NOC3L: variants seen among roughly 807,000 people sequenced by gnomAD.
NOC3L encodes NOC3 like DNA replication regulator, also known as nucleolar complex protein 3 homolog.
NOC3L carries 85 observed loss-of-function variants against 102.5 expected under a neutral mutation model. That is an observed-to-expected ratio of 0.83 (90% CI 0.70 to 0.99). The LOEUF (loss-of-function observed/expected upper bound fraction) is 0.99, where lower values mean the gene tolerates loss of function less well. Ranked by LOEUF, NOC3L falls within the 50% of genes least tolerant of loss-of-function variation. The probability of loss-of-function intolerance (pLI) is 0.00; values close to 1 mark genes in which losing one functional copy is unlikely to be tolerated. For synonymous variants in NOC3L, 303 were observed against 309.4 expected, an observed-to-expected ratio of 0.98 and a Z score of 0.22; for missense variants, 878 against 914.9, an observed-to-expected ratio of 0.96 and a Z score of 0.52.
downstream of NOC3L, chr10:94,330,870 TCA>T (rs1297266360): frequency 1.3e-5 from 2 of 152,232 alleles, no homozygotes; most frequent in Non-Finnish European, 2.9e-5. Context: ...CATTACCATT[TCA>T]CACTTTTTAG....
intron 17 of NOC3L, among the ~76,000 whole-genome samples, chr10:94,339,489 C>A (rs1411724823): frequency 6.6e-6 from 1 of 152,108 alleles, no homozygotes; most frequent in African/African-American, 2.4e-5. Context: ...TATATATGAA[C>A]TTTAAAAGGC....
chr10:94,337,379 C>A (rs897124712), intron 19 of NOC3L, among the ~76,000 whole-genome samples: 1 of 150,374 alleles, frequency 6.7e-6, no homozygotes, highest in African/African-American at 2.4e-5. Flanking sequence ...AAAGACCGAG[C>A]GAGCGAGAAA....
At chr10:94,341,786 G>A (rs2054288803) in intron 13 of NOC3L, 41 bp from the exon 14 acceptor site, 1 of 1,154,104 alleles carries the variant, frequency 8.7e-7, no homozygotes, top group Non-Finnish European at 1.2e-6. Flanking sequence ...ACTAAAAGCA[G>A]AAATAAAGCT....
At chr10:94,359,949 C>A (rs764634855) in intron 2 of NOC3L, among the ~76,000 whole-genome samples, 1 of 152,194 alleles carries the variant, frequency 6.6e-6, no homozygotes, top group Non-Finnish European at 1.5e-5. Context: ...TCTGCACTCC[C>A]ATGTTCATTC....
chr10:94,340,995 A>AG (rs36027832), intron 14 of NOC3L, among the ~76,000 whole-genome samples: 35,226 of 147,082 alleles, frequency 0.24, 4,356 homozygotes, highest in Middle Eastern at 0.39. Flanking sequence ...AAAAAAAAAA[A>AG]AAAAATTTCT....
At chr10:94,328,710 T>C (rs1348127796), downstream of NOC3L, 1 of 152,230 alleles carries the variant, frequency 6.6e-6, no homozygotes, top group Non-Finnish European at 1.5e-5. Context: ...AAATTCAATT[T>C]AGTTCCTGTA....
intron 17 of NOC3L, 79 bp downstream of exon 17, chr10:94,339,660 G>C (rs1432336525): frequency 1.9e-6 from 2 of 1,080,098 alleles, no homozygotes; most frequent in East Asian, 5.0e-5. Flanking sequence ...AATATAAAAG[G>C]GGGGAAAAGA....
intron 17 of NOC3L, among the ~76,000 whole-genome samples, chr10:94,339,017 GAAAT>G (rs2054252801): frequency 6.6e-6 from 1 of 152,126 alleles, no homozygotes; most frequent in Admixed American, 6.6e-5. Context: ...AAATCTGATA[GAAAT>G]AATTACATCA....
In NOC3L at chr10:94,358,113, ACT is replaced by A; in HGVS notation, c.318_319del (p.Arg106SerfsTer11). Reference sequence around the variant, plus strand: ...AGAAAGATCTCTTGTTAGAAAAGATACTCTTTGTCCTAAATCCTTCATTAACT... The same window carrying A: ...AGAAAGATCTCTTGTTAGAAAAGATACTTTGTCCTAAATCCTTCATTAACT... On this transcript the variant is annotated frameshift_variant, in exon 3 of 21. Coordinates refer to ENST00000371361, the MANE Select transcript of NOC3L (RefSeq NM_022451.11). LOFTEE classifies it high-confidence loss of function. The A allele has an allele frequency of 6.2e-7, 1 of 1,605,544 alleles. No individual in the cohort carries two copies.
intron 1 of NOC3L, among the ~76,000 whole-genome samples, chr10:94,362,387 T>C (rs75104045): frequency 0.036 from 5,503 of 152,236 alleles, 330 homozygotes; most frequent in African/African-American, 0.12. Flanking sequence ...CTTCTCTTGC[T>C]GGTGACTCAT....
rs750258992 is a variant in NOC3L at position 94,358,196 on chromosome 10, T to C, written c.237A>G (p.Glu79=). The C allele has an allele frequency of 1.3e-6, 2 of 1,564,656 alleles. No individual in the cohort carries two copies. Among genetic ancestry groups the C allele is most frequent in the Non-Finnish European group, 8.8e-7 (1 of 1,138,872 alleles). Residue 79 remains glutamate (E), a synonymous_variant, in exon 3 of 21, where the codon GAA becomes GAG. Transcript: ENST00000371361. The stretch of plus-strand genomic sequence containing the variant: ...GAAGGGCTTCTTCTTCTTCCTCTTC[T>C]TCCCTCTCAATCCTTTTACCTGTAC... ...EKRPGKRIER[E]EEEEEEALPL...
the NOC3L span, among the ~76,000 whole-genome samples, chr10:94,319,768 G>A: frequency 6.6e-6 from 1 of 151,798 alleles, no homozygotes; most frequent in East Asian, 1.9e-4. Flanking sequence ...AGGGATATAA[G>A]TGAGGGCTAT....
chr10:94,322,128 A>G, the NOC3L span: 2 of 1,401,204 alleles, frequency 1.4e-6, no homozygotes, highest in Non-Finnish European at 2.0e-6. Context: ...ATGTCTGTGC[A>G]CTGATGGCTC....
intron 19 of NOC3L, 96 bp from the exon 20 acceptor site, chr10:94,334,814 A>G (rs1161985937): frequency 1.2e-6 from 1 of 867,278 alleles, no homozygotes; most frequent in Non-Finnish European, 1.8e-6. Flanking sequence ...TTCTTAACCC[A>G]TATATTAAGG....
intron 10 of NOC3L, among the ~76,000 whole-genome samples, chr10:94,347,777 A>G (rs2054362418): frequency 6.6e-6 from 1 of 152,064 alleles, no homozygotes; most frequent in Non-Finnish European, 1.5e-5. Flanking sequence ...ATGGCAAGAT[A>G]TGATATTCTT....
At chr10:94,356,229 T>C (rs1216629309) in intron 5 of NOC3L, among the ~76,000 whole-genome samples, 2 of 152,136 alleles carry the variant, frequency 1.3e-5, no homozygotes, top group Non-Finnish European at 2.9e-5. Flanking sequence ...TTAACAGTTA[T>C]TTGTAAGTAG....
chr10:94,343,934 A>G (rs1354767520), intron 13 of NOC3L, among the ~76,000 whole-genome samples: 1 of 152,226 alleles, frequency 6.6e-6, no homozygotes, highest in African/African-American at 2.4e-5. Context: ...AAATTGTGGA[A>G]CGCTATCATG....
chr10:94,342,657 T>C (rs186179419), intron 13 of NOC3L, among the ~76,000 whole-genome samples: 1 of 144,970 alleles, frequency 6.9e-6, no homozygotes, highest in Admixed American at 6.8e-5. Flanking sequence ...AATGGAGCAC[T>C]ATAAATTTTT....
At chr10:94,358,541 T>G (rs2054515040) in intron 2 of NOC3L, among the ~76,000 whole-genome samples, 1 of 152,244 alleles carries the variant, frequency 6.6e-6, no homozygotes, top group Non-Finnish European at 1.5e-5. Context: ...AACCAAAAAC[T>G]AAATGTCTCC....
Sources: gnomAD v4.1 joint callset for allele counts (sites outside exome capture counted in the v4.1 genomes callset) on GRCh38, gnomAD v4.1.1 for gene constraint, MANE v1.5 for transcripts, NCBI Gene and HGNC (gene_info 2026-07-23, HGNC 2026-07-21) for gene names.